The following ERC1 variants were observed in gnomAD, a reference collection of about 807,000 sequenced individuals.
ERC1 encodes the protein ELKS/RAB6-interacting/CAST family member 1, also known as RAB6 interacting protein 2.
Under a neutral mutation model 132.0 loss-of-function variants are expected in ERC1, and 56 were observed. The observed-to-expected ratio is 0.42, with a 90% CI of 0.34 to 0.53. The LOEUF (loss-of-function observed/expected upper bound fraction) is 0.53. Among genes scored for constraint, ERC1 ranks in the 20% least tolerant of loss-of-function variants. ERC1 has a pLI of 0.03. For synonymous variants in ERC1, 478 were observed against 476.1 expected (o/e 1.00, Z -0.05); for missense variants, 1,202 against 1,349.9 (o/e 0.89, Z 1.72).
At chr12:1,033,219 G>A (rs1007837854) in intron 2 of ERC1, among the ~76,000 whole-genome samples, 3 of 151,904 alleles carry the variant, frequency 2.0e-5, no homozygotes, top group African/African-American at 7.3e-5. Flanking sequence ...TGTATTTTCA[G>A]TAGAGATGGA....
At chr12:1,219,382 A>G (rs1958744742) in intron 12 of ERC1, among the ~76,000 whole-genome samples, 1 of 152,154 alleles carries the variant, frequency 6.6e-6, no homozygotes, top group Non-Finnish European at 1.5e-5. Context: ...CCCTCAATAA[A>G]TGGTACTACC....
At chr12:1,155,550 A>G (rs1420988170) in intron 8 of ERC1, among the ~76,000 whole-genome samples, 2 of 151,412 alleles carry the variant, frequency 1.3e-5, no homozygotes, top group Non-Finnish European at 2.9e-5. Flanking sequence ...ATCTCGGCTC[A>G]CTGCAAGCTC....
chr12:1,112,108 T>A (rs567477763), intron 5 of ERC1, 107 bp from the exon 6 acceptor site: 248 of 726,192 alleles, frequency 3.4e-4, no homozygotes, highest in Non-Finnish European at 5.7e-4. Flanking sequence ...GATTTGATTG[T>A]ATTATATAAG....
chr12:1,315,396 G>A (rs992092244), intron 15 of ERC1, among the ~76,000 whole-genome samples: 1 of 151,224 alleles, frequency 6.6e-6, no homozygotes, highest in African/African-American at 2.4e-5. Context: ...TGTCACCCAG[G>A]CTAGAGTGCA....
chr12:1,225,727 T>C (rs2074526096), intron 12 of ERC1, among the ~76,000 whole-genome samples: 1 of 152,224 alleles, frequency 6.6e-6, no homozygotes, highest in African/African-American at 2.4e-5. Flanking sequence ...AATTCAGTTA[T>C]TTATTCCACA....
At chr12:1,156,027 G>A (rs1951358013) in intron 8 of ERC1, among the ~76,000 whole-genome samples, 1 of 151,720 alleles carries the variant, frequency 6.6e-6, no homozygotes, top group African/African-American at 2.4e-5. Flanking sequence ...TGCATATCAA[G>A]CATTTATGTG....
At chr12:1,121,733 C>A (rs1230030266) in intron 7 of ERC1, among the ~76,000 whole-genome samples, 3 of 5,594 alleles carry the variant, frequency 5.4e-4, no homozygotes, top group Non-Finnish European at 6.7e-4. Flanking sequence ...ATCTCTATCT[C>A]TATCTCTATC....
intron 3 of ERC1, among the ~76,000 whole-genome samples, chr12:1,094,414 TC>T (rs779360037): frequency 1.5e-5 from 1 of 67,264 alleles, no homozygotes; most frequent in East Asian, 7.4e-4. Flanking sequence ...TCCTTCTCTC[TC>T]TTTTTTTTTT....
chr12:1,384,247 A>G (rs1267941116), intron 16 of ERC1, among the ~76,000 whole-genome samples: 1 of 152,244 alleles, frequency 6.6e-6, no homozygotes, highest in African/African-American at 2.4e-5. Context: ...TGACAGGTCA[A>G]ACTGCTTTCT....
chr12:1,055,367 A>G (rs1259136475), intron 2 of ERC1, among the ~76,000 whole-genome samples: 2 of 152,018 alleles, frequency 1.3e-5, no homozygotes, highest in African/African-American at 4.8e-5. Context: ...TTTAGTAGAG[A>G]TGGGGTTTTG....
chr12:1,242,039 G>A (rs550535466), intron 13 of ERC1, among the ~76,000 whole-genome samples: 3 of 151,428 alleles, frequency 2.0e-5, no homozygotes, highest in African/African-American at 7.3e-5. Context: ...TAGAGTCGGG[G>A]TTTCACCATT....
chr12:1,105,343 AT>A (rs535305255), intron 4 of ERC1, among the ~76,000 whole-genome samples: 1 of 151,554 alleles, frequency 6.6e-6, no homozygotes, highest in African/African-American at 2.4e-5. Context: ...CAGAGTTGAG[AT>A]TTTTTTTTAT....
In ERC1 at chr12:1,363,543, CTT is replaced by C. The variant is rs34769986; in HGVS notation, c.2781-8267_2781-8266del. On this transcript the variant is annotated intron_variant, in intron 15 of 18. Transcript: ENST00000360905. ...ATTCCCTTGTAAGTGTATTTCTTTC[CTT>C]TTTTTTTTTTTTTTTTTTTTTTCTA... Among the ~76,000 whole-genome samples the C allele has an allele frequency of 8.0e-3, 757 of 94,286 alleles. 3 individuals are homozygous for C. Among genetic ancestry groups the C allele is most frequent in the African/African-American group, 0.028 (699 of 25,232 alleles). The allele number at this position is 94,286 out of a possible 152,430, so 61.9% of individuals were successfully genotyped here.
intron 12 of ERC1, chr12:1,190,274 A>C: frequency 1.5e-6 from 1 of 665,378 alleles, no homozygotes; most frequent in Non-Finnish European, 2.8e-6. Flanking sequence ...TATGGGCTGT[A>C]ACATAATTGA....
At chr12:991,218 A>G (rs1035902492), upstream of ERC1, 9 of 118,800 alleles carry the variant, frequency 7.6e-5, no homozygotes, top group African/African-American at 3.5e-4. Flanking sequence ...GGGCGCGGTG[A>G]CGTCGCGGGC....
At chr12:1,166,916 A>G in intron 8 of ERC1, among the ~76,000 whole-genome samples, 1 of 152,226 alleles carries the variant, frequency 6.6e-6, no homozygotes, top group East Asian at 1.9e-4. Flanking sequence ...TTATATTGTA[A>G]TATTTTTACA....
At chr12:1,081,885 T>C (rs1034770242) in intron 2 of ERC1, among the ~76,000 whole-genome samples, 1 of 152,042 alleles carries the variant, frequency 6.6e-6, no homozygotes, top group African/African-American at 2.4e-5. Flanking sequence ...AAAGAGTCCA[T>C]GTGTCATAAT....
chr12:1,484,056 A>G (rs112929659), intron 18 of ERC1, among the ~76,000 whole-genome samples: 2,918 of 124,858 alleles, frequency 0.023, 84 homozygotes, highest in African/African-American at 0.092. Flanking sequence ...CTGTAATCCC[A>G]GCACTTTGGG....
intron 13 of ERC1, among the ~76,000 whole-genome samples, chr12:1,237,971 TGAA>T (rs2075537921): frequency 6.6e-6 from 1 of 152,220 alleles, no homozygotes; most frequent in South Asian, 2.1e-4. Flanking sequence ...TTTTAACATA[TGAA>T]GAAGACTCTA....
Sources: allele counts gnomAD v4.1 joint callset (sites outside exome capture counted in the v4.1 genomes callset), GRCh38; gene constraint gnomAD v4.1.1; transcripts MANE v1.5; gene names NCBI Gene and HGNC (gene_info 2026-07-23, HGNC 2026-07-21).